VSTM2B: variants seen among roughly 807,000 people sequenced by gnomAD.
VSTM2B encodes V-set and transmembrane domain-containing protein 2B.
Under a neutral mutation model 24.0 loss-of-function variants are expected in VSTM2B, and 24 were observed. That is an observed-to-expected ratio of 1.00 (90% CI 0.72 to 1.40). The LOEUF is 1.40. VSTM2B is among the 40% of genes most tolerant of loss of function. VSTM2B has a pLI of 0.00. For synonymous variants in VSTM2B, 226 were observed against 194.4 expected, an observed-to-expected ratio of 1.16 and a Z score of -1.35; for missense variants, 399 against 416.4, an observed-to-expected ratio of 0.96 and a Z score of 0.36.
At chr19:29,543,849 T>C (rs1381436486) in intron 4 of VSTM2B, among the ~76,000 whole-genome samples, 5 of 152,150 alleles carry the variant, frequency 3.3e-5, no homozygotes, top group Non-Finnish European at 7.4e-5. Context: ...CTCTGCCATC[T>C]ACATAATGGG....
intron 2 of VSTM2B, among the ~76,000 whole-genome samples, chr19:29,527,857 G>A (rs1969626268): frequency 1.3e-5 from 2 of 152,298 alleles, no homozygotes; most frequent in South Asian, 2.1e-4. Context: ...GGGGCACAGA[G>A]GGGCCACTTC....
At chr19:29,546,647 A>C (rs1970162907) in intron 4 of VSTM2B, among the ~76,000 whole-genome samples, 1 of 152,278 alleles carries the variant, frequency 6.6e-6, no homozygotes, top group Non-Finnish European at 1.5e-5. Flanking sequence ...TGAGGGAGGC[A>C]GCCTCGCCGT....
At position 29,526,890 on chromosome 19, in the gene VSTM2B, GAAAGGA is replaced by G; in HGVS notation, c.82+226_82+231del. 1 of 493,668 alleles carries G rather than the reference GAAAGGA, an allele frequency of 2.0e-6. No homozygotes were observed. The highest frequency in any genetic ancestry group is 3.5e-6 in the Non-Finnish European group (1 of 285,112). 30.6% of individuals were successfully genotyped at this position (493,668 alleles called of 1,614,324 possible). A position where few individuals can be genotyped will look rare whatever the true frequency, so the allele number is the denominator to read the frequency against. On this transcript the variant is annotated intron_variant, in intron 1 of 4. Coordinates refer to ENST00000335523, the MANE Select transcript of VSTM2B (RefSeq NM_001146339.2). The surrounding 1 kb of genome is among the most constrained non-coding windows in gnomAD (Gnocchi z 4.1). ...CAGTCCCGCCGGGGCCCCGGCTGCG[GAAAGGA>G]TGCCTGCGGGGAGCGGGAGTAGGCG... is the stretch of plus-strand genomic sequence containing the variant.
At chr19:29,560,681 C>A (rs903234759) in intron 4 of VSTM2B, among the ~76,000 whole-genome samples, 5 of 152,224 alleles carry the variant, frequency 3.3e-5, no homozygotes, top group Admixed American at 6.5e-5. Context: ...CACAGAGTGG[C>A]AGGCTGGTTA....
chr19:29,532,940 C>A (rs576186340), intron 4 of VSTM2B, among the ~76,000 whole-genome samples: 31 of 152,100 alleles, frequency 2.0e-4, no homozygotes, highest in Admixed American at 6.5e-4. Context: ...AGGTCATGAG[C>A]GCACTCCTGC....
chr19:29,540,957 G>C (rs537691434), intron 4 of VSTM2B, among the ~76,000 whole-genome samples: 1 of 152,148 alleles, frequency 6.6e-6, no homozygotes, highest in Non-Finnish European at 1.5e-5. Context: ...AGTTGGCCAG[G>C]TAAAGAAAGA....
rs1969580179 is a variant in VSTM2B, at chr19:29,526,752, C to T, written c.82+87C>T. 8.7e-6 allele frequency: 11 copies of T among 1,271,604 alleles called. No individual in the cohort carries two copies. The highest frequency in any genetic ancestry group is 1.2e-5 in the Non-Finnish European group (11 of 925,964). 78.8% of individuals were successfully genotyped at this position (1,271,604 alleles called of 1,614,324 possible). On this transcript the variant is annotated intron_variant, in intron 1 of 4. Coordinates refer to ENST00000335523, the MANE Select transcript of VSTM2B (RefSeq NM_001146339.2). The surrounding 1 kb of genome is among the most constrained non-coding windows in gnomAD (Gnocchi z 4.1). Reference sequence around the variant, plus strand: ...GAGAAGAAGAAGAAAGAGAACGAACCGGGAAGCTTCGCGGTCTCCAGCAAT... The same window carrying T: ...GAGAAGAAGAAGAAAGAGAACGAACTGGGAAGCTTCGCGGTCTCCAGCAAT...
In VSTM2B at chr19:29,527,291, G is replaced by T; in HGVS notation, c.163G>T (p.Gly55Ter). 6.4e-7 allele frequency: 1 copy of T among 1,550,466 alleles called. No individual in the cohort carries two copies. The highest frequency in any genetic ancestry group is 1.2e-5 in the South Asian group (1 of 83,978). Residue 55 changes from glycine to a stop codon, truncating the protein, a stop_gained, in exon 2 of 5, where the codon GGA (glycine) becomes TGA (stop). Coordinates refer to ENST00000335523, the MANE Select transcript of VSTM2B (RefSeq NM_001146339.2). LOFTEE classifies it high-confidence loss of function. The part of the protein sequence containing the change: ...IEMPCAFRAS[G>*]ATSYSLEIQW... Reference sequence around the variant, plus strand: ...AATGCCCTGCGCGTTCCGGGCCAGCGGAGCCACCTCGTATTCGCTGGAGAT... The same window carrying T: ...AATGCCCTGCGCGTTCCGGGCCAGCTGAGCCACCTCGTATTCGCTGGAGAT...
At chr19:29,546,607 G>GGCC (rs954591257) in intron 4 of VSTM2B, among the ~76,000 whole-genome samples, 1 of 152,210 alleles carries the variant, frequency 6.6e-6, no homozygotes, top group African/African-American at 2.4e-5. Flanking sequence ...ATGGGGCAGG[G>GGCC]GCCCCTCAGG....
intron 4 of VSTM2B, among the ~76,000 whole-genome samples, chr19:29,547,112 A>G (rs1970174462): frequency 6.6e-6 from 1 of 152,220 alleles, no homozygotes; most frequent in African/African-American, 2.4e-5. Flanking sequence ...GATTTAGCAA[A>G]TAAAAATATA....
At chr19:29,552,227 GC>G (rs1248418583) in intron 4 of VSTM2B, among the ~76,000 whole-genome samples, 1 of 152,194 alleles carries the variant, frequency 6.6e-6, no homozygotes, top group Non-Finnish European at 1.5e-5. Context: ...TCCTTGGTCT[GC>G]CCCGATTCAT....
chr19:29,550,596 C>T (rs560185649), intron 4 of VSTM2B, among the ~76,000 whole-genome samples: 8 of 152,248 alleles, frequency 5.3e-5, no homozygotes, highest in East Asian at 1.9e-4. Flanking sequence ...TGTCTGAAGA[C>T]GACAATGTCT....
intron 4 of VSTM2B, among the ~76,000 whole-genome samples, chr19:29,544,255 G>C (rs952267559): frequency 6.6e-6 from 1 of 151,702 alleles, no homozygotes; most frequent in Non-Finnish European, 1.5e-5. Flanking sequence ...GGCCGGGCGC[G>C]GTGGCTCACG....
intron 4 of VSTM2B, among the ~76,000 whole-genome samples, chr19:29,535,932 T>A (rs1394349862): frequency 6.6e-6 from 1 of 152,108 alleles, no homozygotes; most frequent in Non-Finnish European, 1.5e-5. Context: ...GACATGAGAA[T>A]TATAATTAAG....
chr19:29,536,844 C>T (rs1969902479), intron 4 of VSTM2B, among the ~76,000 whole-genome samples: 1 of 152,104 alleles, frequency 6.6e-6, no homozygotes, highest in African/African-American at 2.4e-5. Flanking sequence ...TTAAGGATTC[C>T]CCAAGCATCC....
At position 29,549,342 on chromosome 19, in the gene VSTM2B, C is replaced by G. The variant is rs907324920; in HGVS notation, c.770-14504C>G. Among the ~76,000 whole-genome samples the G allele has an allele frequency of 4.6e-5, 7 of 152,250 alleles. No individual in the cohort carries two copies. In the East Asian group the frequency reaches 1.4e-3, roughly 29 times the overall value. ...AGGCCAGGCTCTGGGGGAGTCCCAA[C>G]GCTGCCCCCAATGCTGCACCCATGC... On this transcript the variant is annotated intron_variant, in intron 4 of 4. Transcript: ENST00000335523.
Position 29,527,273 on chromosome 19 carries a change from T to TG in VSTM2B, c.146dup (p.Cys49TrpfsTer45). On this transcript the variant is annotated frameshift_variant, in exon 2 of 5. Transcript: ENST00000335523. LOFTEE classifies it high-confidence loss of function. ...GGAGGGAGACGACATCGAAATGCCCTGCGCGTTCCGGGCCAGCGGAGCCAC... is the reference window on the plus strand; with the variant it reads ...GGAGGGAGACGACATCGAAATGCCCTGGCGCGTTCCGGGCCAGCGGAGCCAC... The TG allele has an allele frequency of 6.4e-7, 1 of 1,550,484 alleles. No homozygotes were observed. The highest frequency in any genetic ancestry group is 8.7e-7 in the Non-Finnish European group (1 of 1,146,804).
intron 4 of VSTM2B, among the ~76,000 whole-genome samples, chr19:29,543,414 C>A (rs1003490908): frequency 3.3e-5 from 5 of 152,188 alleles, no homozygotes; most frequent in African/African-American, 1.2e-4. Flanking sequence ...AAGAAAAGTC[C>A]TCACTGTGAA....
At chr19:29,553,109 G>T (rs886276442) in intron 4 of VSTM2B, among the ~76,000 whole-genome samples, 1 of 151,498 alleles carries the variant, frequency 6.6e-6, no homozygotes, top group Non-Finnish European at 1.5e-5. Flanking sequence ...TCTGCCAAGG[G>T]GTAGCAAAAG....
Sources: gnomAD v4.1 joint callset for allele counts (sites outside exome capture counted in the v4.1 genomes callset) on GRCh38, gnomAD v4.1.1 for gene constraint, Gnocchi (gnomAD v3.1) non-coding constraint, MANE v1.5 for transcripts, NCBI Gene and HGNC (gene_info 2026-07-23, HGNC 2026-07-21) for gene names.